The following GARNL3 variants were observed in gnomAD, a reference collection of about 807,000 sequenced individuals.
The protein encoded by GARNL3 is GTPase-activating Rap/Ran-GAP domain-like protein 3.
GARNL3 carries 63 observed loss-of-function variants against 125.0 expected under a neutral mutation model. That is an observed-to-expected ratio of 0.50 (90% CI 0.41 to 0.62). The LOEUF is 0.62. Ranked by LOEUF, GARNL3 falls within the 20% of genes least tolerant of loss-of-function variation. The probability of loss-of-function intolerance (pLI) is 0.00; values close to 1 mark genes in which losing one functional copy is unlikely to be tolerated. For synonymous variants in GARNL3, 439 were observed against 457.5 expected, an observed-to-expected ratio of 0.96 and a Z score of 0.52; for missense variants, 994 against 1,244.0, an observed-to-expected ratio of 0.80 and a Z score of 3.02.
intron 2 of GARNL3, among the ~76,000 whole-genome samples, chr9:127,294,320 G>A (rs2064518498): frequency 6.6e-6 from 1 of 151,620 alleles, no homozygotes; most frequent in Non-Finnish European, 1.5e-5. Flanking sequence ...CCTCCCCCCG[G>A]CCAAGACAGA....
At chr9:127,284,247 A>C (rs988549078) in intron 1 of GARNL3, among the ~76,000 whole-genome samples, 1 of 152,102 alleles carries the variant, frequency 6.6e-6, no homozygotes, top group South Asian at 2.1e-4. Flanking sequence ...TTCATTGTGT[A>C]TGTTTTCCTA....
At chr9:127,264,052 T>A, upstream of GARNL3, 1 of 1,095,636 alleles carries the variant, frequency 9.1e-7, no homozygotes, top group Non-Finnish European at 1.3e-6. Context: ...TTGAATATAG[T>A]AAACATGTTA....
chr9:127,231,667 G>A (rs1169770352), intron 1 of GARNL3, among the ~76,000 whole-genome samples: 1 of 152,138 alleles, frequency 6.6e-6, no homozygotes, highest in East Asian at 1.9e-4. Flanking sequence ...TGTGGTCCCT[G>A]GACCAGCAGC....
chr9:127,225,084 A>C (rs1485130533), intron 1 of GARNL3, among the ~76,000 whole-genome samples: 3 of 49,122 alleles, frequency 6.1e-5, no homozygotes, highest in Non-Finnish European at 1.2e-4. Context: ...GCTTGGGCCC[A>C]GCGGAGGGTC....
At chr9:127,340,423 GTTAC>G (rs931600384) in intron 13 of GARNL3, among the ~76,000 whole-genome samples, 2 of 152,040 alleles carry the variant, frequency 1.3e-5, no homozygotes, top group African/African-American at 4.8e-5. Flanking sequence ...TCAGAAACAA[GTTAC>G]TCGGGTTCAT....
At chr9:127,381,545 C>T (rs1329768529) in intron 22 of GARNL3, among the ~76,000 whole-genome samples, 2 of 152,106 alleles carry the variant, frequency 1.3e-5, no homozygotes, top group Non-Finnish European at 2.9e-5. Flanking sequence ...AACATTTAAA[C>T]GAATGAAATT....
chr9:127,284,822 T>C (rs1325544925), intron 1 of GARNL3, among the ~76,000 whole-genome samples: 1 of 151,890 alleles, frequency 6.6e-6, no homozygotes, highest in Non-Finnish European at 1.5e-5. Context: ...ATAGGAATAG[T>C]AAAATAAATT....
In GARNL3 at chr9:127,251,159, T is replaced by A. The variant is rs10987581; in HGVS notation, c.143+7910T>A. ...AGTGCTTTTAAGAGGCAAAAGGCAA[T>A]TGTTTGGGCTGCCCTGCCCTAAATT... On this transcript the variant is annotated intron_variant, in intron 2 of 10. Coordinates refer to the GARNL3 transcript ENST00000439286. Among the ~76,000 whole-genome samples the A allele has an allele frequency of 1.8e-4, 27 of 152,268 alleles. No individual in the cohort carries two copies. In the East Asian group the frequency reaches 4.4e-3, roughly 25 times the overall value.
intron 12 of GARNL3, among the ~76,000 whole-genome samples, chr9:127,338,968 T>C (rs2030362999): frequency 6.6e-6 from 1 of 152,188 alleles, no homozygotes; most frequent in African/African-American, 2.4e-5. Flanking sequence ...ATTTTCATAC[T>C]GCTAATAAAG....
At position 127,333,985 on chromosome 9, in the gene GARNL3, T is replaced by G. The variant is rs1207883204; in HGVS notation, c.769+864T>G. ...GTCCAAACAAGAGACAGGGTTGCCTTGGGAGAGGGCCATAGGTCAGAAGGG... is the reference window on the plus strand; with the variant it reads ...GTCCAAACAAGAGACAGGGTTGCCTGGGGAGAGGGCCATAGGTCAGAAGGG... On this transcript the variant is annotated intron_variant, in intron 9 of 27. Coordinates refer to ENST00000373387, the MANE Select transcript of GARNL3 (RefSeq NM_032293.5). Among the ~76,000 whole-genome samples, 2 of 152,024 alleles carry G rather than the reference T, an allele frequency of 1.3e-5. 1 individual carries two copies. The highest frequency in any genetic ancestry group is 4.8e-5 in the African/African-American group (2 of 41,406).
intron 1 of GARNL3, among the ~76,000 whole-genome samples, chr9:127,230,812 T>C (rs1372223857): frequency 6.6e-6 from 1 of 151,454 alleles, no homozygotes; most frequent in African/African-American, 2.4e-5. Flanking sequence ...GAGCTGCAGA[T>C]TTAGGAAGAG....
chr9:127,231,035 CATATATATATAT>C (rs200926096), intron 1 of GARNL3, among the ~76,000 whole-genome samples: 3 of 55,838 alleles, frequency 5.4e-5, no homozygotes, highest in Non-Finnish European at 9.2e-5. Context: ...TGTATATATA[CATATATATATAT>C]ATATTTTTTT....
chr9:127,320,148 C>T (rs949088868), intron 5 of GARNL3, among the ~76,000 whole-genome samples: 1 of 152,160 alleles, frequency 6.6e-6, no homozygotes, highest in African/African-American at 2.4e-5. Context: ...CTCATAAGGA[C>T]TAAATGAGAA....
chr9:127,318,294 A>G (rs1362091863), intron 5 of GARNL3, among the ~76,000 whole-genome samples, 167 bp downstream of exon 5: 1 of 152,132 alleles, frequency 6.6e-6, no homozygotes, highest in African/African-American at 2.4e-5. Context: ...TGTCATCATC[A>G]CAGCAACCCT....
chr9:127,238,404 G>A (rs755011920), intron 1 of GARNL3, among the ~76,000 whole-genome samples: 15 of 152,154 alleles, frequency 9.9e-5, no homozygotes, highest in Non-Finnish European at 1.6e-4. Context: ...AGTAGGCTAC[G>A]TTTCTCTCTA....
chr9:127,239,612 G>A (rs2063169506), intron 1 of GARNL3, among the ~76,000 whole-genome samples: 1 of 152,116 alleles, frequency 6.6e-6, no homozygotes, highest in Non-Finnish European at 1.5e-5. Context: ...ATGCAAATGA[G>A]TACTTACTCC....
At chr9:127,388,365 TAG>T (rs1286686203) in intron 25 of GARNL3, 1 of 153,350 alleles carries the variant, frequency 6.5e-6, no homozygotes, top group African/African-American at 2.5e-5. Context: ...TTAAAGGCTA[TAG>T]AGTTTCCAAC....
At position 127,318,109 on chromosome 9, in the gene GARNL3, C is replaced by T; in HGVS notation, c.485C>T (p.Ser162Phe). Reference protein sequence around the residue: ...CLPYSPTKTLSVKSILSAMNL... With the variant: ...CLPYSPTKTLFVKSILSAMNL... ...CCCTACAGTCCCACAAAAACTCTTTCTGTGAAGTCCATCTTAAGGTGAGTT... is the reference window on the plus strand; with the variant it reads ...CCCTACAGTCCCACAAAAACTCTTTTTGTGAAGTCCATCTTAAGGTGAGTT... Residue 162 changes from serine (S) to phenylalanine (F), a missense_variant, in exon 5 of 28, where the codon TCT becomes TTT. Ser to Phe is a radical substitution (Grantham distance 155). Around this residue, in one of 5 missense-constraint regions of GARNL3, gnomAD observed 139 missense variants for 231.6 expected, o/e 0.60. Transcript: ENST00000373387. 6.2e-7 allele frequency: 1 copy of T among 1,606,180 alleles called. No individual in the cohort carries two copies. Among genetic ancestry groups the T allele is most frequent in the East Asian group, 2.2e-5 (1 of 44,848 alleles).
intron 16 of GARNL3, among the ~76,000 whole-genome samples, chr9:127,345,790 C>A (rs188188552): frequency 6.6e-6 from 1 of 152,230 alleles, no homozygotes; most frequent in Non-Finnish European, 1.5e-5. Flanking sequence ...TGACCAAATG[C>A]GTGTTCTGAT....
Sources: gnomAD v4.1 joint callset for allele counts (sites outside exome capture counted in the v4.1 genomes callset) on GRCh38, gnomAD v4.1.1 for gene constraint, gnomAD v4.1.1 regional missense constraint, MANE v1.5 for transcripts, NCBI Gene and HGNC (gene_info 2026-07-23, HGNC 2026-07-21) for gene names.